DMD: variants seen among roughly 807,000 people sequenced by gnomAD.
DMD encodes mutant dystrophin.
DMD carries 63 observed loss-of-function variants against 330.1 expected under a neutral mutation model. The observed-to-expected ratio is 0.19, with a 90% CI of 0.16 to 0.24. DMD has a LOEUF of 0.24. Among genes scored for constraint, DMD ranks in the 10% least tolerant of loss-of-function variants. The probability of loss-of-function intolerance (pLI) is 1.00; values close to 1 mark genes in which losing one functional copy is unlikely to be tolerated. For synonymous variants in DMD, 1,223 were observed against 959.8 expected, an observed-to-expected ratio of 1.27 and a Z score of -5.07; for missense variants, 3,344 against 2,684.1, an observed-to-expected ratio of 1.25 and a Z score of -5.43.
rs746540436 is a variant in DMD at position 33,332,329 on chromosome X, T to A, written c.7+6930A>T. 2.2e-4 allele frequency among the ~76,000 whole-genome samples: 25 copies of A among 112,271 alleles called. 1 individual carries two copies. The South Asian group carries it at 9.0e-3, about 41-fold the overall frequency. Reference sequence around the variant, plus strand: ...TTTGAGATGTGTTTATCTTCCAACCTAAAATATTAATTTTTATTGATCAGG... The same window carrying A: ...TTTGAGATGTGTTTATCTTCCAACCAAAAATATTAATTTTTATTGATCAGG... On this transcript the variant is annotated intron_variant, in intron 1 of 17. Coordinates refer to the DMD transcript ENST00000288447.
At chrX:32,195,733 G>T (rs1177860258) in intron 44 of DMD, among the ~76,000 whole-genome samples, 1 of 111,953 alleles carries the variant, frequency 8.9e-6, no homozygotes, top group East Asian at 2.8e-4. Flanking sequence ...AGAAACAGCT[G>T]AAAAGAAGCC....
In DMD at chrX:31,879,466, G is replaced by C. The variant is rs538902170; in HGVS notation, c.6913-4093C>G. On this transcript the variant is annotated intron_variant, in intron 47 of 78. Coordinates refer to ENST00000357033, the MANE Select transcript of DMD (RefSeq NM_004006.3). Reference sequence around the variant, plus strand: ...TTGGGTGGGGACACAGCCAAACCATGTCAATTACTTTTGTAAAAAATTATT... The same window carrying C: ...TTGGGTGGGGACACAGCCAAACCATCTCAATTACTTTTGTAAAAAATTATT... 4.5e-5 allele frequency among the ~76,000 whole-genome samples: 5 copies of C among 111,633 alleles called. No individual in the cohort carries two copies. In the South Asian group the frequency reaches 1.9e-3, roughly 42 times the overall value.
At chrX:33,269,713 G>A (rs73623936) in intron 1 of DMD, among the ~76,000 whole-genome samples, 93 of 111,047 alleles carry the variant, frequency 8.4e-4, no homozygotes, top group African/African-American at 2.8e-3. Flanking sequence ...AATGTGGTTT[G>A]TTTAGTAGTA....
chrX:32,023,703 G>A (rs1372046586), intron 44 of DMD, among the ~76,000 whole-genome samples: 3 of 111,567 alleles, frequency 2.7e-5, no homozygotes, highest in Non-Finnish European at 5.6e-5. Flanking sequence ...GCCCATTAAT[G>A]GTGGACAGGA....
intron 60 of DMD, among the ~76,000 whole-genome samples, chrX:31,409,710 T>C (rs1456079893): frequency 1.8e-5 from 2 of 112,706 alleles, no homozygotes; most frequent in African/African-American, 6.4e-5. Context: ...TAGGGTAGGC[T>C]TGAAAAAGGA....
chrX:32,871,877 C>T, intron 2 of DMD, among the ~76,000 whole-genome samples: 1 of 110,978 alleles, frequency 9.0e-6, no homozygotes, highest in Middle Eastern at 4.6e-3. Flanking sequence ...GAGGTCAAAT[C>T]CACTCAGTCA....
intron 1 of DMD, among the ~76,000 whole-genome samples, chrX:33,250,657 TTAAC>T (rs2052758282): frequency 8.9e-6 from 1 of 111,747 alleles, no homozygotes. Flanking sequence ...TAATGCTTTC[TTAAC>T]TATCATATTT....
In DMD at chrX:32,116,229, A is replaced by G. The variant is rs2096610249; in HGVS notation, c.6438+100687T>C. On this transcript the variant is annotated intron_variant, in intron 44 of 78. Coordinates refer to ENST00000357033, the MANE Select transcript of DMD (RefSeq NM_004006.3). ...AATGTTTTTGCCCAAATTGGAGAAT[A>G]TCTGCTCTCATATCTGCTCAAATAC... Among the ~76,000 whole-genome samples, 3 of 111,438 alleles carry G rather than the reference A, an allele frequency of 2.7e-5. No individual in the cohort carries two copies. The Admixed American group carries it at 2.9e-4, about 11-fold the overall frequency.
In DMD at chrX:33,296,672, G is replaced by A. The variant is rs184801947; in HGVS notation, c.7+42587C>T. On this transcript the variant is annotated intron_variant, in intron 1 of 17. Transcript: ENST00000288447. ...TAACTTACCAAAATATGATAGCTAC[G>A]TTATGAAGCTAGACACAATGATATG... Among the ~76,000 whole-genome samples the A allele has an allele frequency of 3.4e-3, 381 of 110,655 alleles. 2 individuals carry two copies. The highest frequency in any genetic ancestry group is 0.012 in the African/African-American group (372 of 30,673).
intron 11 of DMD, 99 bp downstream of exon 11, chrX:32,644,033 C>A: frequency 1.3e-6 from 1 of 750,647 alleles, no homozygotes; most frequent in Non-Finnish European, 2.0e-6. Flanking sequence ...GCCTTGGGAA[C>A]AAACTGAGAA....
chrX:31,514,871 G>T (rs6631322), intron 55 of DMD, among the ~76,000 whole-genome samples: 11,734 of 110,420 alleles, frequency 0.11, 640 homozygotes, highest in Admixed American at 0.2. Flanking sequence ...AATGAATTTG[G>T]TTTATGAGCA....
At chrX:31,537,131 T>C (rs775814526) in intron 55 of DMD, among the ~76,000 whole-genome samples, 1 of 112,367 alleles carries the variant, frequency 8.9e-6, no homozygotes, top group Non-Finnish European at 1.9e-5. Flanking sequence ...GCATAAAGGT[T>C]GTCAATACCT....
chrX:32,359,209 C>T (rs776001202), intron 37 of DMD, among the ~76,000 whole-genome samples: 1 of 111,962 alleles, frequency 8.9e-6, no homozygotes, highest in African/African-American at 3.2e-5. Context: ...TTACTCACTG[C>T]TTTCTGGGCT....
intron 7 of DMD, among the ~76,000 whole-genome samples, chrX:32,733,388 G>A (rs191722471): frequency 0.053 from 5,742 of 109,042 alleles, 426 homozygotes; most frequent in African/African-American, 0.19. Context: ...CCCAGGAATT[G>A]AACTCAGCTC....
In DMD at chrX:32,280,853, T is replaced by C. The variant is rs774360020; in HGVS notation, c.6290+6676A>G. Among the ~76,000 whole-genome samples, 13 of 112,349 alleles carry C rather than the reference T, an allele frequency of 1.2e-4. No homozygotes were observed. The South Asian group carries it at 4.4e-3, about 38-fold the overall frequency. ...ATGAAAGAAAATTATTTATTGAATG[T>C]CTCAGTAGAAAGATTACAACTGAGA... is the stretch of plus-strand genomic sequence containing the variant. On this transcript the variant is annotated intron_variant, in intron 43 of 78. Transcript: ENST00000357033.
intron 2 of DMD, among the ~76,000 whole-genome samples, chrX:32,890,683 C>T (rs750218250): frequency 1.2e-4 from 13 of 111,480 alleles, no homozygotes; most frequent in African/African-American, 3.9e-4. Flanking sequence ...AAAAGAAATT[C>T]GGGAAATCAG....
chrX:33,044,812 T>C lies in DMD; in HGVS notation c.32-24612A>G, dbSNP rs751130385. Among the ~76,000 whole-genome samples, 178 of 112,312 alleles carry C rather than the reference T, an allele frequency of 1.6e-3. 4 individuals are homozygous for C. Among genetic ancestry groups the C allele is most frequent in the Non-Finnish European group, 5.6e-4 (30 of 53,322 alleles). Reference sequence around the variant, plus strand: ...GACCTACTTCTCGTAAGGAAAATTCTGCCTGAATACCAGAAGGAATTCATT... The same window carrying C: ...GACCTACTTCTCGTAAGGAAAATTCCGCCTGAATACCAGAAGGAATTCATT... On this transcript the variant is annotated intron_variant, in intron 1 of 78. Coordinates refer to ENST00000357033, the MANE Select transcript of DMD (RefSeq NM_004006.3).
chrX:33,012,939 G>A (rs1161039908), intron 2 of DMD, among the ~76,000 whole-genome samples: 1 of 110,859 alleles, frequency 9.0e-6, no homozygotes, highest in Admixed American at 9.7e-5. Context: ...CTAAACAATG[G>A]TTGCATTTTG....
chrX:33,096,795 C>T (rs763930386), intron 1 of DMD, among the ~76,000 whole-genome samples: 29 of 112,619 alleles, frequency 2.6e-4, no homozygotes, highest in Admixed American at 1.0e-3. Context: ...CGCGAGCCAC[C>T]GCACCTGGCC....
Sources: gnomAD v4.1 joint callset for allele counts (sites outside exome capture counted in the v4.1 genomes callset) on GRCh38, gnomAD v4.1.1 for gene constraint, MANE v1.5 for transcripts, NCBI Gene and HGNC (gene_info 2026-07-23, HGNC 2026-07-21) for gene names.